PRKCA: variants seen among roughly 807,000 people sequenced by gnomAD.
PRKCA encodes protein kinase C alpha type.
A neutral mutation model predicts 87.0 loss-of-function variants in PRKCA; 27 were observed. That is an observed-to-expected ratio of 0.31 (90% CI 0.23 to 0.43). PRKCA has a LOEUF of 0.43. Among genes scored for constraint, PRKCA ranks in the 20% least tolerant of loss-of-function variants. PRKCA has a pLI of 1.00. For missense variants in PRKCA, 518 were observed against 852.3 expected (o/e 0.61, Z 4.88); for synonymous variants, 329 against 311.1 (o/e 1.06, Z -0.61).
chr17:66,312,922 A>T (rs962503651), intron 2 of PRKCA, among the ~76,000 whole-genome samples: 1 of 151,916 alleles, frequency 6.6e-6, no homozygotes. Context: ...TATTTTTAGT[A>T]GAGACGGGGT....
intron 2 of PRKCA, among the ~76,000 whole-genome samples, chr17:66,366,393 G>A (rs994288695): frequency 6.6e-6 from 1 of 152,104 alleles, no homozygotes; most frequent in African/African-American, 2.4e-5. Flanking sequence ...TTTTTCATAG[G>A]GATATGCACC....
chr17:66,473,315 C>T (rs1915404015), intron 2 of PRKCA, among the ~76,000 whole-genome samples: 1 of 152,200 alleles, frequency 6.6e-6, no homozygotes, highest in African/African-American at 2.4e-5. Flanking sequence ...TACCCCTTCA[C>T]ATGCATGTGG....
intron 13 of PRKCA, among the ~76,000 whole-genome samples, chr17:66,767,853 G>A (rs1312716017): frequency 6.6e-6 from 1 of 152,148 alleles, no homozygotes. Flanking sequence ...GAGCACATGG[G>A]CTGTTTGGGG....
At chr17:66,482,115 A>AAG (rs1297717502) in intron 2 of PRKCA, among the ~76,000 whole-genome samples, 1 of 150,540 alleles carries the variant, frequency 6.6e-6, no homozygotes, top group African/African-American at 2.4e-5. Flanking sequence ...AAAAAAAAAA[A>AAG]AAGAAAAAAA....
intron 8 of PRKCA, among the ~76,000 whole-genome samples, chr17:66,698,041 C>G (rs1972968001): frequency 6.6e-6 from 1 of 152,108 alleles, no homozygotes; most frequent in Non-Finnish European, 1.5e-5. Context: ...GCAGGTGCAT[C>G]CATAGAAAAG....
At chr17:66,690,734 A>G (rs897353203) in intron 8 of PRKCA, among the ~76,000 whole-genome samples, 2 of 151,274 alleles carry the variant, frequency 1.3e-5, no homozygotes, top group South Asian at 4.2e-4. Context: ...AGGCTGAGAC[A>G]CGAGAATCAC....
rs563666562 is a variant in PRKCA at position 66,743,615 on chromosome 17, A to G, written c.1524+855A>G. Among the ~76,000 whole-genome samples the G allele has an allele frequency of 3.9e-5, 6 of 152,280 alleles. No individual in the cohort carries two copies. The East Asian group carries it at 1.2e-3, about 29-fold the overall frequency. Reference sequence around the variant, plus strand: ...AAACATCCCACATGCCAATGATAGAATGGGTTGTCACTGTAGTCACTGTAG... The same window carrying G: ...AAACATCCCACATGCCAATGATAGAGTGGGTTGTCACTGTAGTCACTGTAG... On this transcript the variant is annotated intron_variant, in intron 13 of 16. Transcript: ENST00000413366.
intron 3 of PRKCA, among the ~76,000 whole-genome samples, chr17:66,519,288 T>C (rs8064886): frequency 0.64 from 97,700 of 152,042 alleles, 32,236 homozygotes; most frequent in African/African-American, 0.79. Flanking sequence ...AATTGGCTCC[T>C]GGGATGAAAA....
chr17:66,703,995 A>G (rs568615242), intron 8 of PRKCA: 10 of 152,190 alleles, frequency 6.6e-5, no homozygotes, highest in African/African-American at 2.2e-4. Context: ...TTGTGCAGCA[A>G]TGTTAGTGTC....
At chr17:66,371,815 C>T (rs985834997) in intron 2 of PRKCA, among the ~76,000 whole-genome samples, 4 of 152,192 alleles carry the variant, frequency 2.6e-5, no homozygotes, top group African/African-American at 7.2e-5. Flanking sequence ...AAAATCCAGA[C>T]GGTGGATTTT....
At chr17:66,743,394 A>G (rs932641869) in intron 13 of PRKCA, among the ~76,000 whole-genome samples, 2 of 152,228 alleles carry the variant, frequency 1.3e-5, no homozygotes, top group African/African-American at 4.8e-5. Flanking sequence ...AGGCGGGGTG[A>G]GACGGGGGTT....
intron 3 of PRKCA, among the ~76,000 whole-genome samples, chr17:66,627,814 C>G (rs112532032): frequency 2.6e-5 from 4 of 151,990 alleles, no homozygotes; most frequent in African/African-American, 9.7e-5. Flanking sequence ...TATCCCCCCC[C>G]AAAAAATTGA....
Position 66,449,185 on chromosome 17 carries a change from A to T in PRKCA, c.206-47016A>T, listed in dbSNP as rs150618310. ...GTGCCTGTAGGCCTAGCTACTTGGG[A>T]GGCTGAGCTGGGAGGATTGCTTGAG... On this transcript the variant is annotated intron_variant, in intron 2 of 16. Coordinates refer to ENST00000413366, the MANE Select transcript of PRKCA (RefSeq NM_002737.3). 4.2e-3 allele frequency among the ~76,000 whole-genome samples: 638 copies of T among 152,166 alleles called. 7 individuals carry two copies. The highest frequency in any genetic ancestry group is 0.014 in the African/African-American group (584 of 41,508).
At chr17:66,570,002 T>G (rs1193930751) in intron 3 of PRKCA, among the ~76,000 whole-genome samples, 2 of 152,220 alleles carry the variant, frequency 1.3e-5, no homozygotes, top group Non-Finnish European at 2.9e-5. Flanking sequence ...AACTCAGATG[T>G]TCCTCACATG....
At chr17:66,445,695 G>C (rs1913999480) in intron 2 of PRKCA, among the ~76,000 whole-genome samples, 1 of 152,200 alleles carries the variant, frequency 6.6e-6, no homozygotes, top group Non-Finnish European at 1.5e-5. Context: ...GTCCCTGTCT[G>C]TTCCCGTGAT....
chr17:66,488,017 C>T (rs1253527678), intron 2 of PRKCA, among the ~76,000 whole-genome samples: 1 of 152,024 alleles, frequency 6.6e-6, no homozygotes, highest in Non-Finnish European at 1.5e-5. Flanking sequence ...AAATTTTGTC[C>T]AGACCATAAT....
chr17:66,803,029 A>G lies in PRKCA; in HGVS notation c.1855-844A>G, dbSNP rs1598019574. The stretch of plus-strand genomic sequence containing the variant: ...GGGTGGCTGACAAGGTGAAGAGAAC[A>G]CTCCTTCCCCACTTTTGGGGTCAGG... On this transcript the variant is annotated intron_variant, in intron 16 of 16. Coordinates refer to ENST00000413366, the MANE Select transcript of PRKCA (RefSeq NM_002737.3). The surrounding 1 kb of genome is among the most constrained non-coding windows in gnomAD (Gnocchi z 4.4). Among the ~76,000 whole-genome samples the G allele has an allele frequency of 6.6e-6, 1 of 151,852 alleles. No individual in the cohort carries two copies. Among genetic ancestry groups the G allele is most frequent in the South Asian group, 2.1e-4 (1 of 4,812 alleles).
At chr17:66,440,128 A>G in intron 2 of PRKCA, among the ~76,000 whole-genome samples, 1 of 152,230 alleles carries the variant, frequency 6.6e-6, no homozygotes, top group Non-Finnish European at 1.5e-5. Flanking sequence ...CAGAAACACC[A>G]AGTCCTAAAA....
intron 2 of PRKCA, among the ~76,000 whole-genome samples, chr17:66,429,093 G>A (rs1033936519): frequency 3.9e-5 from 6 of 152,064 alleles, no homozygotes; most frequent in African/African-American, 7.2e-5. Context: ...ACGCTCTTCC[G>A]CCAGATCCAA....
Sources: gnomAD v4.1 joint callset for allele counts (sites outside exome capture counted in the v4.1 genomes callset) on GRCh38, gnomAD v4.1.1 for gene constraint, Gnocchi (gnomAD v3.1) non-coding constraint, MANE v1.5 for transcripts, NCBI Gene and HGNC (gene_info 2026-07-23, HGNC 2026-07-21) for gene names.